ROBO1: variants seen among roughly 807,000 people sequenced by gnomAD.
ROBO1 encodes the protein roundabout guidance receptor 1.
In ROBO1, 149 loss-of-function variants were observed where a neutral mutation model predicts 195.9. The observed-to-expected ratio is 0.76, with a 90% CI of 0.67 to 0.87. The LOEUF is 0.87. Among genes scored for constraint, ROBO1 ranks in the 40% least tolerant of loss-of-function variants. The pLI is 0.00. For synonymous variants in ROBO1, 816 were observed against 733.2 expected (o/e 1.11, Z -1.82); for missense variants, 1,933 against 2,068.3 (o/e 0.93, Z 1.27).
At chr3:79,661,076 T>C (rs1381418261) in intron 1 of ROBO1, among the ~76,000 whole-genome samples, 1 of 152,104 alleles carries the variant, frequency 6.6e-6, no homozygotes, top group Non-Finnish European at 1.5e-5. Context: ...TGAACTTTGA[T>C]GGACATTATG....
At chr3:79,687,761 C>A (rs1414335574) in intron 1 of ROBO1, among the ~76,000 whole-genome samples, 2 of 152,196 alleles carry the variant, frequency 1.3e-5, no homozygotes, top group Non-Finnish European at 2.9e-5. Context: ...AACACTTTTA[C>A]ACTGCTGGTG....
intron 2 of ROBO1, among the ~76,000 whole-genome samples, chr3:79,293,940 C>T (rs994258204): frequency 6.7e-6 from 1 of 149,898 alleles, no homozygotes; most frequent in Non-Finnish European, 1.5e-5. Flanking sequence ...CGCCTGTAGT[C>T]CCAGCTACTC....
intron 3 of ROBO1, chr3:79,019,247 C>T (rs763700431): frequency 4.1e-6 from 4 of 985,782 alleles, no homozygotes; most frequent in South Asian, 9.4e-5. Flanking sequence ...CTAAACTACG[C>T]AGAAGCCCAA....
intron 2 of ROBO1, among the ~76,000 whole-genome samples, chr3:79,528,076 TTA>T: frequency 1.3e-5 from 1 of 74,802 alleles, no homozygotes; most frequent in South Asian, 3.5e-4. Flanking sequence ...GAGAATTAAA[TTA>T]TATGGCTCTT....
At chr3:78,916,245 C>CAAAAA (rs34944563) in intron 4 of ROBO1, among the ~76,000 whole-genome samples, 1 of 91,956 alleles carries the variant, frequency 1.1e-5, no homozygotes, top group Non-Finnish European at 2.1e-5. Flanking sequence ...GAGACTCCGT[C>CAAAAA]AAAAAAAAAA....
intron 3 of ROBO1, among the ~76,000 whole-genome samples, chr3:78,960,993 C>A (rs1211208414): frequency 2.0e-5 from 3 of 152,044 alleles, no homozygotes; most frequent in South Asian, 2.1e-4. Context: ...GTATGTATAG[C>A]CAATTGGAAT....
At chr3:79,102,217 G>C (rs1157906468) in intron 3 of ROBO1, among the ~76,000 whole-genome samples, 1 of 151,636 alleles carries the variant, frequency 6.6e-6, no homozygotes, top group Non-Finnish European at 1.5e-5. Context: ...CAGATTCAAA[G>C]GATGTATAAT....
At chr3:79,108,930 T>C (rs1478227222) in intron 3 of ROBO1, among the ~76,000 whole-genome samples, 1 of 151,974 alleles carries the variant, frequency 6.6e-6, no homozygotes, top group Non-Finnish European at 1.5e-5. Flanking sequence ...ATGTTGTATA[T>C]ATTTTGAAGC....
At position 78,600,131 on chromosome 3, in the gene ROBO1, A is replaced by ATCT. The variant is rs781043221; in HGVS notation, c.4920_4922dup (p.Glu1640dup). 6.8e-6 allele frequency: 11 copies of ATCT among 1,612,564 alleles called. No individual in the cohort carries two copies. In the East Asian group the frequency reaches 2.5e-4, roughly 36 times the overall value. ...TAGATACCTCTAATTCTTCATTATT[A>ATCT]TCTTCTCCTCTTTCATATCCTCCAA... On this transcript the variant is annotated inframe_insertion, in exon 30 of 31. Coordinates refer to ENST00000464233, the MANE Select transcript of ROBO1 (RefSeq NM_002941.4).
At chr3:78,969,819 A>C (rs1391104874) in intron 3 of ROBO1, among the ~76,000 whole-genome samples, 1 of 152,212 alleles carries the variant, frequency 6.6e-6, no homozygotes, top group Admixed American at 6.5e-5. Context: ...TGCACATCAA[A>C]CTAAAAATAA....
chr3:79,394,333 C>T (rs1280005801), intron 2 of ROBO1, among the ~76,000 whole-genome samples: 1 of 152,020 alleles, frequency 6.6e-6, no homozygotes, highest in African/African-American at 2.4e-5. Flanking sequence ...ACTAAGAAAA[C>T]TTTAGTAAGT....
chr3:78,884,769 T>G (rs2036439452), intron 4 of ROBO1, among the ~76,000 whole-genome samples: 1 of 150,034 alleles, frequency 6.7e-6, no homozygotes, highest in South Asian at 2.1e-4. Flanking sequence ...GAAAGAAAAT[T>G]TAATAGTCCA....
At chr3:79,364,756 C>G (rs2035903714) in intron 2 of ROBO1, among the ~76,000 whole-genome samples, 1 of 152,148 alleles carries the variant, frequency 6.6e-6, no homozygotes, top group African/African-American at 2.4e-5. Flanking sequence ...ATCAACTACT[C>G]TGAAAACATT....
chr3:79,240,812 T>A (rs1037377057), intron 2 of ROBO1, among the ~76,000 whole-genome samples: 1 of 152,028 alleles, frequency 6.6e-6, no homozygotes, highest in African/African-American at 2.4e-5. Flanking sequence ...TGGCTAGTTT[T>A]AAAATTTTTT....
intron 2 of ROBO1, among the ~76,000 whole-genome samples, chr3:79,421,514 A>G (rs1360267595): frequency 6.6e-6 from 1 of 152,084 alleles, no homozygotes. Context: ...CAGGCACAGG[A>G]GCTGACAGCA....
intron 2 of ROBO1, among the ~76,000 whole-genome samples, chr3:79,503,752 G>T (rs1940244154): frequency 6.6e-6 from 1 of 152,128 alleles, no homozygotes; most frequent in African/African-American, 2.4e-5. Context: ...GATGATAAAT[G>T]GAACCATGTT....
chr3:79,747,558 A>G (rs967494973), intron 1 of ROBO1, among the ~76,000 whole-genome samples: 13 of 152,046 alleles, frequency 8.6e-5, no homozygotes, highest in African/African-American at 2.9e-4. Context: ...ATGTGATATA[A>G]CAGAAAGCGG....
chr3:79,699,695 A>G (rs1044318193), intron 1 of ROBO1, among the ~76,000 whole-genome samples: 18 of 151,550 alleles, frequency 1.2e-4, no homozygotes, highest in African/African-American at 3.9e-4. Context: ...TTTTTAGTTA[A>G]CCAACTGGTT....
intron 2 of ROBO1, among the ~76,000 whole-genome samples, chr3:79,138,458 C>A (rs181281020): frequency 1.3e-5 from 2 of 152,148 alleles, no homozygotes; most frequent in East Asian, 3.9e-4. Context: ...TTGTCATATA[C>A]TTATCTATCT....
Sources: allele counts gnomAD v4.1 joint callset (sites outside exome capture counted in the v4.1 genomes callset), GRCh38; gene constraint gnomAD v4.1.1; transcripts MANE v1.5; gene names NCBI Gene and HGNC (gene_info 2026-07-23, HGNC 2026-07-21).